AP2A2: variants seen among roughly 807,000 people sequenced by gnomAD.
The protein encoded by AP2A2 is adaptor related protein complex 2 subunit alpha 2.
In AP2A2, 32 loss-of-function variants were observed where a neutral mutation model predicts 104.2. The observed-to-expected ratio is 0.31, with a 90% CI of 0.23 to 0.41. The LOEUF is 0.41. Among genes scored for constraint, AP2A2 ranks in the 10% least tolerant of loss-of-function variants. AP2A2 has a pLI of 1.00. For missense variants in AP2A2, 912 were observed against 1,261.0 expected, an observed-to-expected ratio of 0.72 and a Z score of 4.19; for synonymous variants, 539 against 533.3, an observed-to-expected ratio of 1.01 and a Z score of -0.15.
intron 1 of AP2A2, among the ~76,000 whole-genome samples, chr11:935,074 A>G (rs1327012728): frequency 1.2e-5 from 1 of 83,132 alleles, no homozygotes. Flanking sequence ...TTTTTTTTTG[A>G]GACTGAGTCT....
rs193215741 is a variant in AP2A2, at chr11:979,376, C to T, written c.604-1822C>T. On this transcript the variant is annotated intron_variant, in intron 5 of 21. Transcript: ENST00000448903. Reference sequence around the variant, plus strand: ...CAAAATCCGTTAGCACTTTGCTCACCGAGAAATACAGGAAGAAGACCAATC... The same window carrying T: ...CAAAATCCGTTAGCACTTTGCTCACTGAGAAATACAGGAAGAAGACCAATC... Among the ~76,000 whole-genome samples, 255 of 151,902 alleles carry T rather than the reference C, an allele frequency of 1.7e-3. 1 individual carries two copies. The highest frequency in any genetic ancestry group is 2.6e-3 in the Non-Finnish European group (179 of 67,940).
intron 5 of AP2A2, among the ~76,000 whole-genome samples, chr11:979,563 A>G (rs548268321): frequency 6.6e-6 from 1 of 152,212 alleles, no homozygotes; most frequent in East Asian, 1.9e-4. Flanking sequence ...TCAGTCATTC[A>G]AGTAGACATT....
At chr11:936,040 T>C (rs1657626425) in intron 1 of AP2A2, among the ~76,000 whole-genome samples, 3 of 151,346 alleles carry the variant, frequency 2.0e-5, no homozygotes, top group Admixed American at 2.0e-4. Context: ...TAGCTGGGAC[T>C]ACAGGCGCCC....
intron 8 of AP2A2, 115 bp from the exon 9 acceptor site, chr11:986,670 G>A (rs911736492): frequency 7.8e-7 from 1 of 1,284,022 alleles, no homozygotes; most frequent in African/African-American, 1.5e-5. Flanking sequence ...TGGTGGCGGT[G>A]AGTGCCGTGT....
At chr11:1,007,417 C>T (rs183270920) in intron 17 of AP2A2, 114 of 156,924 alleles carry the variant, frequency 7.3e-4, no homozygotes, top group South Asian at 1.7e-3. Flanking sequence ...GGGGTCTCTC[C>T]CTCGGGGTCC....
At chr11:974,501 C>G (rs1036167968) in intron 4 of AP2A2, among the ~76,000 whole-genome samples, 1 of 151,692 alleles carries the variant, frequency 6.6e-6, no homozygotes, top group Non-Finnish European at 1.5e-5. Flanking sequence ...GCCAACATGG[C>G]GAAACCCCGT....
At position 993,453 on chromosome 11, in the gene AP2A2, A is replaced by C. The variant is rs1590005000; in HGVS notation, c.1550+72A>C. 1 of 1,185,622 alleles carries C rather than the reference A, an allele frequency of 8.4e-7. No homozygotes were observed. Among genetic ancestry groups the C allele is most frequent in the African/African-American group, 1.7e-5 (1 of 58,692 alleles). 73.4% of individuals were successfully genotyped at this position (1,185,622 alleles called of 1,614,324 possible). A position where few individuals can be genotyped will look rare whatever the true frequency, so the allele number is the denominator to read the frequency against. On this transcript the variant is annotated intron_variant, in intron 12 of 21. Transcript: ENST00000448903. The surrounding 1 kb of genome is among the most constrained non-coding windows in gnomAD (Gnocchi z 8.2). ...TCTCGGTGGTCGGTGGCAAGAGGCG[A>C]GGCACCAGCTGGCCCTGCCGTGAGG...
chr11:986,819 T>G lies in AP2A2; in HGVS notation c.997T>G (p.Leu333Val). 1 of 1,613,400 alleles carries G rather than the reference T, an allele frequency of 6.2e-7. No homozygotes were observed. The highest frequency in any genetic ancestry group is 8.5e-7 in the Non-Finnish European group (1 of 1,179,810). ...CCTGCTCGTCCGTGCCTGCAACCAG[T>G]TGGGCCAGTTTCTGCAGCACCGCGA... is the stretch of plus-strand genomic sequence containing the variant. ...PNLLVRACNQ[L>V]GQFLQHRETN... The change falls in exon 9 of 22, where the codon TTG becomes GTG. Residue 333 changes from leucine (L) to valine (V), a missense_variant. Leu to Val is a conservative substitution (Grantham distance 32). Transcript: ENST00000448903.
chr11:951,412 A>G (rs576590382), intron 1 of AP2A2, among the ~76,000 whole-genome samples: 101 of 152,116 alleles, frequency 6.6e-4, no homozygotes, highest in African/African-American at 2.2e-3. Flanking sequence ...CTGTAATTCC[A>G]GCTACTTGGG....
At chr11:944,773 G>A (rs1416175728) in intron 1 of AP2A2, among the ~76,000 whole-genome samples, 4 of 151,950 alleles carry the variant, frequency 2.6e-5, no homozygotes, top group African/African-American at 9.7e-5. Flanking sequence ...GGAGTGGTAA[G>A]TGCAGAGGCC....
rs12808123 is a variant in AP2A2, at chr11:997,133, G to A, written c.1956+2888G>A. Among the ~76,000 whole-genome samples the A allele has an allele frequency of 9.9e-3, 1,512 of 152,308 alleles. 10 individuals are homozygous for A. The highest frequency in any genetic ancestry group is 0.016 in the Non-Finnish European group (1,100 of 68,026). The stretch of plus-strand genomic sequence containing the variant: ...GCATCAGCACATGTGCCTTTCCCAC[G>A]AGAGACAGTGGCTTTATCTTGGTGT... On this transcript the variant is annotated intron_variant, in intron 14 of 21. Transcript: ENST00000448903.
intron 8 of AP2A2, among the ~76,000 whole-genome samples, chr11:986,572 C>T (rs899768866): frequency 4.6e-5 from 7 of 152,172 alleles, no homozygotes; most frequent in African/African-American, 1.4e-4. Flanking sequence ...TGTGGGGATG[C>T]ACAGGATGGA....
chr11:986,642 G>T (rs1855467510), intron 8 of AP2A2, 143 bp from the exon 9 acceptor site: 1 of 1,037,066 alleles, frequency 9.6e-7, no homozygotes, highest in Non-Finnish European at 1.4e-6. Flanking sequence ...AGGCCCCCGA[G>T]TTCCCACTTG....
chr11:962,989 G>A (rs1854491728), intron 2 of AP2A2, among the ~76,000 whole-genome samples: 1 of 152,146 alleles, frequency 6.6e-6, no homozygotes, highest in Non-Finnish European at 1.5e-5. Context: ...GAGCTGTGCT[G>A]TCCAATTTAG....
At chr11:1,009,072 C>T in intron 18 of AP2A2, 28 bp from the exon 19 acceptor site, 1 of 1,571,692 alleles carries the variant, frequency 6.4e-7, no homozygotes. Context: ...AGCTGACTGT[C>T]TCTTTCTGCT....
At chr11:976,178 C>T (rs1855028966) in intron 4 of AP2A2, among the ~76,000 whole-genome samples, 1 of 152,182 alleles carries the variant, frequency 6.6e-6, no homozygotes, top group South Asian at 2.1e-4. Context: ...GGTTGCTGCT[C>T]TGGGCTGATC....
At position 1,008,085 on chromosome 11, in the gene AP2A2, A is replaced by G; in HGVS notation, c.2370A>G (p.Ile790Met). 3 of 1,603,540 alleles carry G rather than the reference A, an allele frequency of 1.9e-6. No homozygotes were observed. Among genetic ancestry groups the G allele is most frequent in the Non-Finnish European group, 2.6e-6 (3 of 1,175,858 alleles). ...CGCAGGTGCAGCAGGTGGTCAACAT[A>G]GAGTGCGTGTCCGACTTCACGGAGG... ...GGAQVQQVVN[I>M]ECVSDFTEAP... The change falls in exon 18 of 22, where the codon ATA (isoleucine) becomes ATG (methionine). Residue 790 changes from isoleucine (I) to methionine (M), a missense_variant. Around this residue, in one of 7 missense-constraint regions of AP2A2, gnomAD observed 239 missense variants for 329.8 expected, o/e 0.72. Coordinates refer to ENST00000448903, the MANE Select transcript of AP2A2 (RefSeq NM_012305.4).
At chr11:983,633 T>A (rs1374311928) in intron 6 of AP2A2, among the ~76,000 whole-genome samples, 1 of 152,138 alleles carries the variant, frequency 6.6e-6, no homozygotes, top group Admixed American at 6.5e-5. Flanking sequence ...TCCGCCCGCC[T>A]TGGCCTCTCA....
intron 17 of AP2A2, 39 bp from the exon 18 acceptor site, chr11:1,007,973 C>T (rs1173398261): frequency 4.5e-6 from 7 of 1,551,462 alleles, no homozygotes; most frequent in South Asian, 3.6e-5. Context: ...CCGCTTCTGC[C>T]ACTGGGACTT....
Sources: allele counts gnomAD v4.1 joint callset (sites outside exome capture counted in the v4.1 genomes callset), GRCh38; gene constraint gnomAD v4.1.1; regional missense constraint gnomAD v4.1.1; non-coding constraint Gnocchi (gnomAD v3.1); transcripts MANE v1.5; gene names NCBI Gene and HGNC (gene_info 2026-07-23, HGNC 2026-07-21).